The following SLBP variants were observed in gnomAD, a reference collection of about 807,000 sequenced individuals.
SLBP encodes histone RNA hairpin-binding protein.
In SLBP, 29 loss-of-function variants were observed where a neutral mutation model predicts 39.2. The ratio of observed to expected loss-of-function variants is 0.74; its 90% CI spans 0.55 to 1.01. The LOEUF (loss-of-function observed/expected upper bound fraction) is 1.01, where lower values mean the gene tolerates loss of function less well. Ranked by LOEUF, SLBP falls within the 50% of genes least tolerant of loss-of-function variation. SLBP has a pLI of 0.00. For synonymous variants in SLBP, 129 were observed against 118.7 expected (o/e 1.09, Z -0.57); for missense variants, 390 against 350.2 (o/e 1.11, Z -0.91).
At chr4:1,698,445 T>C (rs1279972444) in intron 5 of SLBP, among the ~76,000 whole-genome samples, 2 of 150,710 alleles carry the variant, frequency 1.3e-5, no homozygotes, top group Non-Finnish European at 3.0e-5. Context: ...AATCTTACTA[T>C]TCCTTTGCCA....
chr4:1,711,981 G>C lies in SLBP; in HGVS notation c.69C>G (p.Ser23=). 3 of 1,297,112 alleles carry C rather than the reference G, an allele frequency of 2.3e-6. No homozygotes were observed. Among genetic ancestry groups the C allele is most frequent in the Non-Finnish European group, 2.9e-6 (3 of 1,022,922 alleles). 80.4% of individuals were successfully genotyped at this position (1,297,112 alleles called of 1,614,324 possible). A position where few individuals can be genotyped will look rare whatever the true frequency, so the allele number is the denominator to read the frequency against. ...SRCDGDASPP[S]PARWSLGRKR... ...TCCGTCCCAGGCTCCATCGCGCGGGGGACGGCGGGCTGCGGGGAGGGACGC... is the reference window on the plus strand; with the variant it reads ...TCCGTCCCAGGCTCCATCGCGCGGGCGACGGCGGGCTGCGGGGAGGGACGC... Residue 23 remains serine (S), a synonymous_variant, in exon 2 of 8, where the codon TCC becomes TCG. Coordinates refer to ENST00000489418, the MANE Select transcript of SLBP (RefSeq NM_006527.4).
rs1560266278 is a variant in SLBP, at chr4:1,712,203, G to A, written c.-15C>T. 8.0e-7 allele frequency: 1 copy of A among 1,246,332 alleles called. No homozygotes were observed. Among genetic ancestry groups the A allele is most frequent in the Non-Finnish European group, 1.0e-6 (1 of 997,944 alleles). 77.2% of individuals were successfully genotyped at this position (1,246,332 alleles called of 1,614,324 possible). On this transcript the variant is annotated 5_prime_UTR_variant, in exon 1 of 8. Coordinates refer to ENST00000489418, the MANE Select transcript of SLBP (RefSeq NM_006527.4). ...CGGCAGGCCATGGCAGCACGGGCCG[G>A]GCGCGCAGCGCAGGGCCGAGGCTGA...
At chr4:1,696,066 G>C (rs1038176027) in intron 6 of SLBP, 136 bp downstream of exon 6, 3 of 609,682 alleles carry the variant, frequency 4.9e-6, no homozygotes, top group African/African-American at 3.9e-5. Context: ...ACTCAGCACC[G>C]AGCTGCAGCA....
At position 1,694,780 on chromosome 4, in the gene SLBP, A is replaced by T; in HGVS notation, c.690T>A (p.Asp230Glu). The T allele has an allele frequency of 6.2e-7, 1 of 1,611,946 alleles. No individual in the cohort carries two copies. Residue 230 changes from aspartate (D) to glutamate (E), a missense_variant, in exon 7 of 8, where the codon GAT (aspartate) becomes GAA (glutamate). Transcript: ENST00000489418. ...ACTTATCCAAAGTACTTACAAAGTC[A>T]TCCTGAGAGCTGGTCTGGGGCTCGG... ...SSSEPQTSSQDDFDVYSGTPT... is the reference protein window; with the variant it reads ...SSSEPQTSSQEDFDVYSGTPT...
intron 5 of SLBP, 85 bp from the exon 6 acceptor site, chr4:1,696,436 T>G: frequency 8.6e-7 from 1 of 1,167,432 alleles, no homozygotes; most frequent in African/African-American, 1.6e-5. Flanking sequence ...ACTATGAGAT[T>G]AGTATTATTT....
chr4:1,708,296 C>G (rs1361464364), intron 2 of SLBP, among the ~76,000 whole-genome samples: 1 of 152,124 alleles, frequency 6.6e-6, no homozygotes, highest in African/African-American at 2.4e-5. Flanking sequence ...AATAAGCAAC[C>G]TATTTTAGCT....
At chr4:1,703,383 G>A (rs1169976797) in intron 3 of SLBP, among the ~76,000 whole-genome samples, 5 of 152,126 alleles carry the variant, frequency 3.3e-5, no homozygotes, top group African/African-American at 2.4e-5. Context: ...GACCCGCCTG[G>A]AGGGCTTTTC....
intron 2 of SLBP, among the ~76,000 whole-genome samples, chr4:1,709,611 TTC>T (rs1491135124): frequency 1.4e-5 from 2 of 145,004 alleles, no homozygotes; most frequent in East Asian, 2.0e-4. Flanking sequence ...GAACATCTAC[TTC>T]TTTTTTTTTT....
chr4:1,700,706 A>T (rs1247593659), intron 3 of SLBP, among the ~76,000 whole-genome samples: 1 of 152,044 alleles, frequency 6.6e-6, no homozygotes, highest in Non-Finnish European at 1.5e-5. Context: ...ACTCCAGGCA[A>T]GTGCCGCCAC....
chr4:1,693,300 T>C lies in SLBP; in HGVS notation c.*297A>G, dbSNP rs1214519773. On this transcript the variant is annotated 3_prime_UTR_variant, in exon 8 of 8. Coordinates refer to ENST00000489418, the MANE Select transcript of SLBP (RefSeq NM_006527.4). ...AGATGCCTGTGGAAAACCAGTTATG[T>C]AGACGTGTCAGCTTACCCTGGAGGA... 3 of 276,172 alleles carry C rather than the reference T, an allele frequency of 1.1e-5. No individual in the cohort carries two copies. The East Asian group carries it at 2.5e-4, about 23-fold the overall frequency. 17.1% of individuals were successfully genotyped at this position (276,172 alleles called of 1,614,324 possible).
intron 7 of SLBP, 138 bp downstream of exon 7, chr4:1,694,636 C>T (rs1410943919): frequency 7.6e-6 from 5 of 661,202 alleles, no homozygotes; most frequent in Non-Finnish European, 1.4e-5. Context: ...GGTGATCCGC[C>T]TGCCTTGGCC....
At chr4:1,707,914 A>C (rs1357119908) in intron 2 of SLBP, among the ~76,000 whole-genome samples, 1 of 152,130 alleles carries the variant, frequency 6.6e-6, no homozygotes, top group African/African-American at 2.4e-5. Context: ...TCTAGTCTCT[A>C]CTAAAAATAC....
At chr4:1,711,825 G>T in intron 2 of SLBP, 49 bp downstream of exon 2, 1 of 1,021,434 alleles carries the variant, frequency 9.8e-7, no homozygotes, top group Non-Finnish European at 1.3e-6. Flanking sequence ...GGAGCCCGCG[G>T]CCTCGTCAAG....
In SLBP at chr4:1,711,173, G is replaced by A. The variant is rs564961725; in HGVS notation, c.176+701C>T. Among the ~76,000 whole-genome samples the A allele has an allele frequency of 2.2e-5, 3 of 138,474 alleles. No individual in the cohort carries two copies. The South Asian group carries it at 6.8e-4, about 31-fold the overall frequency. 90.8% of individuals were successfully genotyped at this position (138,474 alleles called of 152,430 possible). A position where few individuals can be genotyped will look rare whatever the true frequency, so the allele number is the denominator to read the frequency against. ...GTCCGATTTTTTTTTTTCCTTTCAC[G>A]CCTCCCATCCCCAACCCATCAGCAA... On this transcript the variant is annotated intron_variant, in intron 2 of 7. Coordinates refer to ENST00000489418, the MANE Select transcript of SLBP (RefSeq NM_006527.4).
At chr4:1,701,318 A>G (rs1332390933) in intron 3 of SLBP, among the ~76,000 whole-genome samples, 2 of 151,258 alleles carry the variant, frequency 1.3e-5, no homozygotes, top group Admixed American at 6.6e-5. Context: ...GCTAATTTTT[A>G]GTATTTTTAG....
chr4:1,712,287 AC>A lies in SLBP; in HGVS notation c.-100del. On this transcript the variant is annotated 5_prime_UTR_variant, in exon 1 of 8. Transcript: ENST00000489418. ...GAGCAGGGCAGGGCCTGAGGCAGAA[AC>A]CCGCGTCCCCGCGCCGGCGCTCACG... 2 of 727,130 alleles carry A rather than the reference AC, an allele frequency of 2.8e-6. No individual in the cohort carries two copies. Among genetic ancestry groups the A allele is most frequent in the Admixed American group, 4.2e-5 (1 of 23,584 alleles). 45.0% of individuals were successfully genotyped at this position (727,130 alleles called of 1,614,324 possible). A position where few individuals can be genotyped will look rare whatever the true frequency, so the allele number is the denominator to read the frequency against.
Position 1,703,655 on chromosome 4 carries a change from G to T in SLBP, c.222C>A (p.Asp74Glu), listed in dbSNP as rs150237030. The change falls in exon 3 of 8, where the codon GAC becomes GAA. Residue 74 changes from aspartate (D) to glutamate (E), a missense_variant. By Grantham distance (45) the Asp-to-Glu change is conservative. Coordinates refer to ENST00000489418, the MANE Select transcript of SLBP (RefSeq NM_006527.4). ...EGPKPRSRCS[D>E]WASAVEEDEM... ...CATCTTCTTCAACTGCACTTGCCCA[G>T]TCAGAGCATCTGGAACGGGGTTTAG... The T allele has an allele frequency of 4.3e-6, 7 of 1,614,040 alleles. No individual in the cohort carries two copies. Among genetic ancestry groups the T allele is most frequent in the South Asian group, 1.1e-5 (1 of 91,084 alleles).
chr4:1,710,696 G>C (rs1237455601), intron 2 of SLBP, among the ~76,000 whole-genome samples: 1 of 151,958 alleles, frequency 6.6e-6, no homozygotes, highest in African/African-American at 2.4e-5. Flanking sequence ...AGTGAACAGA[G>C]TTCACCCGTG....
intron 2 of SLBP, among the ~76,000 whole-genome samples, chr4:1,708,107 G>C (rs1349258184): frequency 1.4e-5 from 2 of 145,040 alleles, no homozygotes; most frequent in Non-Finnish European, 3.0e-5. Context: ...AAAAAAATCA[G>C]GCGGGCGTGG....
Sources: gnomAD v4.1 joint callset for allele counts (sites outside exome capture counted in the v4.1 genomes callset) on GRCh38, gnomAD v4.1.1 for gene constraint, MANE v1.5 for transcripts, NCBI Gene and HGNC (gene_info 2026-07-23, HGNC 2026-07-21) for gene names.